Variants in GALNTL6 observed in about 807,000 individuals in gnomAD.
The protein encoded by GALNTL6 is polypeptide N-acetylgalactosaminyltransferase-like 6.
In GALNTL6, 46 loss-of-function variants were observed where a neutral mutation model predicts 73.7. That is an observed-to-expected ratio of 0.62 (90% CI 0.49 to 0.80). GALNTL6 has a LOEUF of 0.80. GALNTL6 is among the 30% of genes least tolerant of loss of function. The pLI, the probability that GALNTL6 is intolerant of heterozygous loss-of-function variation, is 0.00. For synonymous variants in GALNTL6, 259 were observed against 263.7 expected (o/e 0.98, Z 0.17); for missense variants, 604 against 755.0 (o/e 0.80, Z 2.34).
At chr4:172,971,202 C>T (rs1264394380) in intron 10 of GALNTL6, among the ~76,000 whole-genome samples, 1 of 152,140 alleles carries the variant, frequency 6.6e-6, no homozygotes, top group African/African-American at 2.4e-5. Context: ...GGATGCAGCC[C>T]CTCAATCTTG....
intron 5 of GALNTL6, among the ~76,000 whole-genome samples, chr4:172,748,393 A>G (rs961596380): frequency 3.3e-5 from 5 of 152,210 alleles, no homozygotes; most frequent in African/African-American, 1.2e-4. Context: ...GAGTACTTGA[A>G]GAAAACCCAC....
intron 5 of GALNTL6, among the ~76,000 whole-genome samples, chr4:172,478,410 G>A (rs1252903431): frequency 1.3e-5 from 2 of 152,164 alleles, no homozygotes; most frequent in Admixed American, 1.3e-4. Flanking sequence ...ATGCACTAGG[G>A]AAAGGGCACT....
chr4:171,816,226 A>G (rs1371638817), intron 2 of GALNTL6: 1 of 152,134 alleles, frequency 6.6e-6, no homozygotes, highest in East Asian at 1.9e-4. Context: ...TAATTCAATT[A>G]ACAATAACCA....
rs149345659 is a variant in GALNTL6, at chr4:172,663,637, A to G, written c.554-145724A>G. Among the ~76,000 whole-genome samples the G allele has an allele frequency of 1.8e-3, 268 of 152,304 alleles. 2 individuals carry two copies. Among genetic ancestry groups the G allele is most frequent in the African/African-American group, 6.2e-3 (258 of 41,570 alleles). Reference sequence around the variant, plus strand: ...TTCATCCAGAAATCTATGAACTAAAAAGGTGACTTGGCTAGGCGTAGTGGC... The same window carrying G: ...TTCATCCAGAAATCTATGAACTAAAGAGGTGACTTGGCTAGGCGTAGTGGC... On this transcript the variant is annotated intron_variant, in intron 5 of 12. Coordinates refer to ENST00000506823, the MANE Select transcript of GALNTL6 (RefSeq NM_001034845.3).
chr4:171,849,117 T>C (rs1289048995), intron 2 of GALNTL6, among the ~76,000 whole-genome samples: 1 of 152,222 alleles, frequency 6.6e-6, no homozygotes, highest in Non-Finnish European at 1.5e-5. Context: ...GTGGTGGCTT[T>C]CAGCATGCCT....
intron 2 of GALNTL6, among the ~76,000 whole-genome samples, chr4:172,029,713 CA>C (rs1345364912): frequency 1.3e-5 from 2 of 151,728 alleles, no homozygotes; most frequent in Non-Finnish European, 2.9e-5. Flanking sequence ...CAAAGGAAAA[CA>C]AAAGAACATG....
At chr4:172,378,179 T>C (rs1290345183) in intron 5 of GALNTL6, among the ~76,000 whole-genome samples, 1 of 152,058 alleles carries the variant, frequency 6.6e-6, no homozygotes, top group Non-Finnish European at 1.5e-5. Flanking sequence ...TGATACAGAG[T>C]TCTAATATTG....
chr4:173,018,313 T>C (rs554871781), intron 11 of GALNTL6, among the ~76,000 whole-genome samples: 1 of 152,374 alleles, frequency 6.6e-6, no homozygotes, highest in African/African-American at 2.4e-5. Context: ...TCATTTGCTA[T>C]TGTTGTAATT....
At chr4:171,887,128 CA>C (rs1420565903) in intron 2 of GALNTL6, among the ~76,000 whole-genome samples, 1 of 152,136 alleles carries the variant, frequency 6.6e-6, no homozygotes, top group African/African-American at 2.4e-5. Context: ...TATCACATGA[CA>C]AATGGCAGAC....
intron 2 of GALNTL6, among the ~76,000 whole-genome samples, chr4:172,200,610 T>C (rs1007965152): frequency 2.6e-5 from 4 of 152,236 alleles, no homozygotes; most frequent in Non-Finnish European, 4.4e-5. Context: ...CTTTATGTAG[T>C]AGATAATATA....
In GALNTL6 at chr4:171,941,047, T is replaced by C. The variant is rs529041721; in HGVS notation, c.138+126329T>C. 3.3e-5 allele frequency among the ~76,000 whole-genome samples: 5 copies of C among 152,192 alleles called. No individual in the cohort carries two copies. In the South Asian group the frequency reaches 1.0e-3, roughly 32 times the overall value. On this transcript the variant is annotated intron_variant, in intron 2 of 12. Transcript: ENST00000506823. Reference sequence around the variant, plus strand: ...GTCAATACCAGGAGAATTAATAATCTACAGTCACTTCAGGATAAATTAGAA... The same window carrying C: ...GTCAATACCAGGAGAATTAATAATCCACAGTCACTTCAGGATAAATTAGAA...
chr4:172,696,151 A>G (rs1016595112), intron 5 of GALNTL6, among the ~76,000 whole-genome samples: 3 of 152,142 alleles, frequency 2.0e-5, no homozygotes, highest in Admixed American at 6.6e-5. Context: ...GTAGCTCTAA[A>G]TTTCCAGTGG....
intron 2 of GALNTL6, among the ~76,000 whole-genome samples, chr4:171,991,445 G>T (rs1371607678): frequency 6.6e-6 from 1 of 151,874 alleles, no homozygotes; most frequent in Non-Finnish European, 1.5e-5. Flanking sequence ...CGTTAACAGA[G>T]AGTAAGTATA....
chr4:171,875,050 C>A (rs971553532), intron 2 of GALNTL6, among the ~76,000 whole-genome samples: 2 of 152,076 alleles, frequency 1.3e-5, no homozygotes, highest in Admixed American at 1.3e-4. Context: ...TTACATAGAA[C>A]AGTAGATGGG....
chr4:172,633,287 G>T (rs1038882138), intron 5 of GALNTL6, among the ~76,000 whole-genome samples: 2 of 152,204 alleles, frequency 1.3e-5, no homozygotes, highest in Non-Finnish European at 2.9e-5. Flanking sequence ...GCTATACCCT[G>T]CAAAGCCACA....
chr4:172,967,581 A>G (rs1177126543), intron 10 of GALNTL6, among the ~76,000 whole-genome samples: 3 of 152,190 alleles, frequency 2.0e-5, no homozygotes, highest in South Asian at 4.1e-4. Context: ...CTTTTGCCCA[A>G]CTATATTATG....
intron 2 of GALNTL6, among the ~76,000 whole-genome samples, chr4:171,872,896 T>A (rs1736177553): frequency 1.3e-5 from 2 of 152,088 alleles, no homozygotes; most frequent in African/African-American, 4.8e-5. Context: ...CCCATAACGC[T>A]CTCTACATCT....
intron 8 of GALNTL6, among the ~76,000 whole-genome samples, chr4:172,920,348 C>T (rs2111290242): frequency 6.6e-6 from 1 of 152,276 alleles, no homozygotes; most frequent in Non-Finnish European, 1.5e-5. Flanking sequence ...AGTGTATCTT[C>T]CCAAAGTTAC....
At chr4:172,499,500 A>G (rs1449766649) in intron 5 of GALNTL6, among the ~76,000 whole-genome samples, 3 of 152,240 alleles carry the variant, frequency 2.0e-5, no homozygotes, top group Non-Finnish European at 4.4e-5. Context: ...AGCACCCTGA[A>G]TTAACTAAAA....
Sources: allele counts gnomAD v4.1 joint callset (sites outside exome capture counted in the v4.1 genomes callset), GRCh38; gene constraint gnomAD v4.1.1; transcripts MANE v1.5; gene names NCBI Gene and HGNC (gene_info 2026-07-23, HGNC 2026-07-21).